The following PCMTD1 variants were observed in gnomAD, a reference collection of about 807,000 sequenced individuals.
PCMTD1 encodes the protein protein-L-isoaspartate (D-aspartate) O-methyltransferase domain containing 1, also known as protein-L-isoaspartate O-methyltransferase domain-containing protein 1.
PCMTD1 carries 12 observed loss-of-function variants against 37.6 expected under a neutral mutation model. The ratio of observed to expected loss-of-function variants is 0.32; its 90% CI spans 0.20 to 0.52. PCMTD1 has a LOEUF of 0.52. Among genes scored for constraint, PCMTD1 ranks in the 20% least tolerant of loss-of-function variants. The probability of loss-of-function intolerance (pLI) is 0.97; values close to 1 mark genes in which losing one functional copy is unlikely to be tolerated. For missense variants in PCMTD1, 235 were observed against 421.3 expected, an observed-to-expected ratio of 0.56 and a Z score of 3.87; for synonymous variants, 117 against 135.8, an observed-to-expected ratio of 0.86 and a Z score of 0.96.
chr8:51,836,514 T>C (rs1050786539), intron 3 of PCMTD1, among the ~76,000 whole-genome samples: 70 of 152,262 alleles, frequency 4.6e-4, no homozygotes, highest in African/African-American at 1.6e-3. Context: ...TGAATATTTC[T>C]TCTGAATTTA....
chr8:51,891,694 A>T (rs199878156), intron 1 of PCMTD1, among the ~76,000 whole-genome samples: 2 of 73,846 alleles, frequency 2.7e-5, no homozygotes, highest in South Asian at 1.4e-3. Context: ...ATACATATAT[A>T]TGTATATATA....
At chr8:51,891,568 A>G (rs2038936236) in intron 1 of PCMTD1, among the ~76,000 whole-genome samples, 1 of 151,876 alleles carries the variant, frequency 6.6e-6, no homozygotes, top group Admixed American at 6.6e-5. Flanking sequence ...AAAAAAGAAA[A>G]CAAAAAAACA....
intron 1 of PCMTD1, among the ~76,000 whole-genome samples, chr8:51,863,817 C>T (rs1350787682): frequency 1.3e-5 from 2 of 151,830 alleles, no homozygotes; most frequent in Non-Finnish European, 2.9e-5. Context: ...GTCCCAGCTA[C>T]TCGGGAAGCT....
intron 3 of PCMTD1, among the ~76,000 whole-genome samples, chr8:51,841,034 G>A (rs1460433904): frequency 1.3e-5 from 2 of 152,132 alleles, no homozygotes; most frequent in Admixed American, 6.6e-5. Context: ...GTAATTCATT[G>A]ATGGCAGTAA....
At chr8:51,886,054 C>G (rs148072909) in intron 1 of PCMTD1, among the ~76,000 whole-genome samples, 1 of 152,226 alleles carries the variant, frequency 6.6e-6, no homozygotes, top group Admixed American at 6.5e-5. Flanking sequence ...AAGCACAAGG[C>G]TCTTTCCTCC....
At chr8:51,874,232 G>A (rs1333133288) in intron 1 of PCMTD1, among the ~76,000 whole-genome samples, 1 of 152,112 alleles carries the variant, frequency 6.6e-6, no homozygotes, top group Non-Finnish European at 1.5e-5. Context: ...ATGATTCCAT[G>A]AGTCAATAAA....
chr8:51,862,134 C>A (rs1189383804), intron 1 of PCMTD1, among the ~76,000 whole-genome samples: 1 of 152,084 alleles, frequency 6.6e-6, no homozygotes, highest in African/African-American at 2.4e-5. Flanking sequence ...AACTTAAAAA[C>A]CACAATTCAA....
chr8:51,866,202 A>C (rs2038553054), intron 1 of PCMTD1, among the ~76,000 whole-genome samples: 1 of 152,006 alleles, frequency 6.6e-6, no homozygotes, highest in Admixed American at 6.6e-5. Flanking sequence ...ATGGACTCAC[A>C]GAAATAATAG....
rs142940780 is a variant in PCMTD1, at chr8:51,897,139, T to G, written c.-96+1791A>C. On this transcript the variant is annotated intron_variant, in intron 1 of 5. Coordinates refer to ENST00000522514, the MANE Select transcript of PCMTD1 (RefSeq NM_052937.4). ...GAACCAGACGTTGTTCGTGATTATC[T>G]TCCTCAGTTGTTCTTTCCCTGGAAG... Among the ~76,000 whole-genome samples, 742 of 152,340 alleles carry G rather than the reference T, an allele frequency of 4.9e-3. 6 individuals carry two copies. The highest frequency in any genetic ancestry group is 0.017 in the African/African-American group (711 of 41,564).
chr8:51,842,651 T>G (rs1458154422), intron 3 of PCMTD1, among the ~76,000 whole-genome samples: 1 of 152,102 alleles, frequency 6.6e-6, no homozygotes, highest in African/African-American at 2.4e-5. Flanking sequence ...AAAGGTCATC[T>G]AACTTTATAT....
intron 1 of PCMTD1, among the ~76,000 whole-genome samples, chr8:51,882,560 T>C (rs534035103): frequency 6.6e-6 from 1 of 152,298 alleles, no homozygotes; most frequent in African/African-American, 2.4e-5. Context: ...AGGGTCTATA[T>C]GCTAGTCACT....
At chr8:51,835,589 A>G (rs1320826221) in intron 3 of PCMTD1, among the ~76,000 whole-genome samples, 1 of 152,230 alleles carries the variant, frequency 6.6e-6, no homozygotes, top group Admixed American at 6.5e-5. Context: ...AAAATTTTAC[A>G]GAAATTCATT....
In PCMTD1 at chr8:51,860,790, C is replaced by A. The variant is rs1040421212; in HGVS notation, c.307+55G>T. On this transcript the variant is annotated intron_variant, in intron 2 of 5. Transcript: ENST00000522514. ...AGTTACAACTCCTATAAATCATAAA[C>A]CATAATACAAAATGGCTTATTTTTT... 7 of 1,396,266 alleles carry A rather than the reference C, an allele frequency of 5.0e-6. No homozygotes were observed. In the African/African-American group the frequency reaches 1.0e-4, roughly 20 times the overall value. 86.5% of individuals were successfully genotyped at this position (1,396,266 alleles called of 1,614,324 possible). A position where few individuals can be genotyped will look rare whatever the true frequency, so the allele number is the denominator to read the frequency against.
intron 3 of PCMTD1, among the ~76,000 whole-genome samples, chr8:51,841,475 G>A (rs1362882932): frequency 2.0e-5 from 3 of 152,076 alleles, no homozygotes; most frequent in Admixed American, 6.6e-5. Flanking sequence ...GGATCTATTG[G>A]CCTAATTAAT....
chr8:51,849,252 A>G (rs892942401), intron 2 of PCMTD1: 4 of 152,088 alleles, frequency 2.6e-5, no homozygotes, highest in African/African-American at 9.7e-5. Flanking sequence ...CTACTGAAAG[A>G]TTAAAAAAAA....
intron 3 of PCMTD1, among the ~76,000 whole-genome samples, chr8:51,842,468 C>T (rs1233231620): frequency 1.3e-5 from 2 of 151,960 alleles, no homozygotes; most frequent in African/African-American, 2.4e-5. Context: ...GTATGTGGAA[C>T]CATACCCAGC....
rs539078995 is a variant in PCMTD1, at chr8:51,881,662, T to C, written c.-96+17268A>G. Among the ~76,000 whole-genome samples, 8 of 152,240 alleles carry C rather than the reference T, an allele frequency of 5.3e-5. No individual in the cohort carries two copies. The East Asian group carries it at 7.7e-4, about 15-fold the overall frequency. On this transcript the variant is annotated intron_variant, in intron 1 of 5. Coordinates refer to ENST00000522514, the MANE Select transcript of PCMTD1 (RefSeq NM_052937.4). The stretch of plus-strand genomic sequence containing the variant: ...TGGCATTCAACCAACTGTTTTAGAA[T>C]TGTCTTTTAATTATTCTTCAAAAAA...
At chr8:51,830,175 C>A (rs934179338) in intron 5 of PCMTD1, among the ~76,000 whole-genome samples, 1 of 152,072 alleles carries the variant, frequency 6.6e-6, no homozygotes, top group African/African-American at 2.4e-5. Context: ...ACCATTTTAT[C>A]GCTAAATTGG....
At chr8:51,836,704 G>C (rs1429482640) in intron 3 of PCMTD1, among the ~76,000 whole-genome samples, 1 of 152,136 alleles carries the variant, frequency 6.6e-6, no homozygotes, top group Non-Finnish European at 1.5e-5. Context: ...TAAAGTTACA[G>C]AAAAAGCATA....
Sources: gnomAD v4.1 joint callset for allele counts (sites outside exome capture counted in the v4.1 genomes callset) on GRCh38, gnomAD v4.1.1 for gene constraint, MANE v1.5 for transcripts, NCBI Gene and HGNC (gene_info 2026-07-23, HGNC 2026-07-21) for gene names.